Variants in PODXL observed in about 807,000 individuals in gnomAD.
PODXL encodes podocalyxin like, also known as podocalyxin.
In PODXL, 20 loss-of-function variants were observed where a neutral mutation model predicts 48.9. The ratio of observed to expected loss-of-function variants is 0.41; its 90% CI spans 0.29 to 0.59. The LOEUF (loss-of-function observed/expected upper bound fraction) is 0.59, where lower values mean the gene tolerates loss of function less well. Among genes scored for constraint, PODXL ranks in the 20% least tolerant of loss-of-function variants. The pLI is 0.31. For missense variants in PODXL, 606 were observed against 675.1 expected (o/e 0.90, Z 1.13); for synonymous variants, 295 against 287.4 (o/e 1.03, Z -0.27).
chr7:131,538,634 C>T (rs1450147972), intron 1 of PODXL, among the ~76,000 whole-genome samples: 3 of 152,150 alleles, frequency 2.0e-5, no homozygotes, highest in East Asian at 1.9e-4. Context: ...ATTCAATCGA[C>T]GGTGCCACCC....
intron 1 of PODXL, among the ~76,000 whole-genome samples, chr7:131,552,546 A>G (rs1798684799): frequency 6.6e-6 from 1 of 151,830 alleles, no homozygotes; most frequent in Non-Finnish European, 1.5e-5. Flanking sequence ...CTCTTCCCCC[A>G]CCTTCTCTAG....
chr7:131,526,817 C>A (rs1798195199), intron 1 of PODXL, among the ~76,000 whole-genome samples: 1 of 143,026 alleles, frequency 7.0e-6, no homozygotes, highest in African/African-American at 2.7e-5. Flanking sequence ...CTCACTATAG[C>A]CTCCGCCTCC....
chr7:131,539,651 A>G (rs1733874), intron 1 of PODXL, among the ~76,000 whole-genome samples: 67,710 of 152,116 alleles, frequency 0.45, 16,538 homozygotes, highest in East Asian at 0.78. Flanking sequence ...GAAAATGTTT[A>G]AATATTCCAA....
intron 1 of PODXL, among the ~76,000 whole-genome samples, chr7:131,514,474 T>C (rs1263629439): frequency 6.6e-6 from 1 of 152,110 alleles, no homozygotes; most frequent in Admixed American, 6.6e-5. Context: ...GCATTTTTTC[T>C]TCTTAGTAGT....
At chr7:131,554,218 G>A (rs534262680) in intron 1 of PODXL, among the ~76,000 whole-genome samples, 1 of 152,264 alleles carries the variant, frequency 6.6e-6, no homozygotes, top group Admixed American at 6.5e-5. Flanking sequence ...AGAGGGTGGT[G>A]TAGAATGCAC....
intron 1 of PODXL, among the ~76,000 whole-genome samples, chr7:131,538,098 G>A (rs1047111637): frequency 1.3e-5 from 2 of 152,126 alleles, no homozygotes; most frequent in African/African-American, 4.8e-5. Flanking sequence ...GCTGCACAGG[G>A]CCCACTGTGG....
At chr7:131,534,985 G>C (rs1367767185) in intron 1 of PODXL, among the ~76,000 whole-genome samples, 2 of 152,208 alleles carry the variant, frequency 1.3e-5, no homozygotes, top group Non-Finnish European at 2.9e-5. Context: ...CTGGGAGGCA[G>C]AGGTTGCAGT....
chr7:131,510,917 T>C lies in PODXL; in HGVS notation c.617A>G (p.His206Arg), dbSNP rs1797901159. The C allele has an allele frequency of 1.9e-6, 3 of 1,614,074 alleles. No homozygotes were observed. The South Asian group carries it at 3.3e-5, about 18-fold the overall frequency. Residue 206 changes from histidine (H) to arginine (R), a missense_variant, in exon 2 of 9, where the codon CAT becomes CGT. Physicochemically the swap from His to Arg is conservative, Grantham distance 29. Transcript: ENST00000378555. ...GCTTGAAATTTTCATAAGATGGTCA[T>C]GTCCCGAGCTTGTTGGGGTGGCCAC... is the stretch of plus-strand genomic sequence containing the variant. Reference protein sequence around the residue: ...HPVATPTSSGHDHLMKISSSS... With the variant: ...HPVATPTSSGRDHLMKISSSS...
At chr7:131,531,240 T>C (rs995948647) in intron 1 of PODXL, among the ~76,000 whole-genome samples, 1 of 152,170 alleles carries the variant, frequency 6.6e-6, no homozygotes, top group Non-Finnish European at 1.5e-5. Context: ...TCTGGAATCT[T>C]ATTAATGCTA....
intron 1 of PODXL, among the ~76,000 whole-genome samples, 179 bp from the exon 2 acceptor site, chr7:131,511,612 CTTTT>C (rs1163673176): frequency 6.7e-6 from 1 of 150,052 alleles, no homozygotes; most frequent in Non-Finnish European, 1.5e-5. Flanking sequence ...TTTTTTCTGT[CTTTT>C]TTTTTTCTTC....
Position 131,511,041 on chromosome 7 carries a change from T to G in PODXL, c.493A>C (p.Ser165Arg). ...GTGGATGTGAGGTCTGTGGTCACAC[T>G]GTGGCTGCTTTTCCCCCCAGAGTTT... The part of the protein sequence containing the change: ...TTNSGGKSSH[S>R]VTTDLTSTKA... The change falls in exon 2 of 9, where the codon AGT becomes CGT. Residue 165 changes from serine to arginine, a missense_variant. Transcript: ENST00000378555. 2.5e-6 allele frequency: 4 copies of G among 1,614,206 alleles called. No individual in the cohort carries two copies. Among genetic ancestry groups the G allele is most frequent in the Non-Finnish European group, 3.4e-6 (4 of 1,180,030 alleles).
chr7:131,556,277 G>A lies in PODXL; in HGVS notation c.83C>T (p.Pro28Leu). ...PLLPSSPSPS[P>L]SPSQNATQTT... Reference sequence around the variant, plus strand: ...CCACTCACCATTCTGGGAGGGCGACGGCGACGGCGACGGCGACGACGGCAG... The same window carrying A: ...CCACTCACCATTCTGGGAGGGCGACAGCGACGGCGACGGCGACGACGGCAG... Residue 28 changes from proline to leucine, a missense_variant, in exon 1 of 9, where the codon CCG becomes CTG. Coordinates refer to ENST00000378555, the MANE Select transcript of PODXL (RefSeq NM_001018111.3). 1 of 1,384,714 alleles carries A rather than the reference G, an allele frequency of 7.2e-7. No homozygotes were observed. Among genetic ancestry groups the A allele is most frequent in the Non-Finnish European group, 9.2e-7 (1 of 1,083,572 alleles). The allele number at this position is 1,384,714 out of a possible 1,614,324, so 85.8% of individuals were successfully genotyped here. A position where few individuals can be genotyped will look rare whatever the true frequency, so the allele number is the denominator to read the frequency against.
At chr7:131,509,304 C>T (rs781407640) in intron 4 of PODXL, 61 bp downstream of exon 4, 39 of 1,345,054 alleles carry the variant, frequency 2.9e-5, no homozygotes, top group Non-Finnish European at 4.1e-5. Context: ...AAAACCTTGT[C>T]TTAAAGCCTC....
Position 131,509,578 on chromosome 7 carries a change from C to A in PODXL, c.810G>T (p.Ser270=). Residue 270 remains serine (S), a synonymous_variant, in exon 4 of 9, where the codon TCG becomes TCT. Transcript: ENST00000378555. ...ASQSAGITAS[S]VISQRTQQTS... ...TCTGTTGAGTTCTTTGCGAGATAAC[C>A]GATGACGCTGTCATTGGGAAAACGA... is the stretch of plus-strand genomic sequence containing the variant. 2 of 1,540,010 alleles carry A rather than the reference C, an allele frequency of 1.3e-6. No homozygotes were observed. The highest frequency in any genetic ancestry group is 2.5e-5 in the South Asian group (2 of 79,702).
In PODXL at chr7:131,556,283, G is replaced by A. The variant is rs1299281906; in HGVS notation, c.77C>T (p.Pro26Leu). 3.4e-5 allele frequency: 50 copies of A among 1,477,570 alleles called. No individual in the cohort carries two copies. The highest frequency in any genetic ancestry group is 4.1e-5 in the Non-Finnish European group (46 of 1,121,758). 91.5% of individuals were successfully genotyped at this position (1,477,570 alleles called of 1,614,324 possible). ...TPPLLPSSPS[P>L]SPSPSQNATQ... is the part of the protein sequence containing the mutation. ...ACCATTCTGGGAGGGCGACGGCGAC[G>A]GCGACGGCGACGACGGCAGCAGCGG... is the stretch of plus-strand genomic sequence containing the variant. Residue 26 changes from proline (P) to leucine (L), a missense_variant, in exon 1 of 9, where the codon CCG becomes CTG. Physicochemically the swap from Pro to Leu is moderately conservative, Grantham distance 98. Coordinates refer to ENST00000378555, the MANE Select transcript of PODXL (RefSeq NM_001018111.3).
chr7:131,526,377 T>C (rs1410226096), intron 1 of PODXL, among the ~76,000 whole-genome samples: 1 of 152,112 alleles, frequency 6.6e-6, no homozygotes, highest in Non-Finnish European at 1.5e-5. Flanking sequence ...GAGTCTAATC[T>C]GATAAATAAA....
In PODXL at chr7:131,524,379, C is replaced by CACAGAGAGAGAGAGAGAGAGAGAGAG. The variant is rs746255906; in HGVS notation, c.101-12947_101-12946insCTCTCTCTCTCTCTCTCTCTCTCTGT. Among the ~76,000 whole-genome samples the CACAGAGAGAGAGAGAGAGAGAGAGAG allele has an allele frequency of 2.5e-3, 261 of 103,962 alleles. 3 individuals are homozygous for CACAGAGAGAGAGAGAGAGAGAGAGAG. Among genetic ancestry groups the CACAGAGAGAGAGAGAGAGAGAGAGAG allele is most frequent in the East Asian group, 7.4e-3 (27 of 3,660 alleles). 68.2% of individuals were successfully genotyped at this position (103,962 alleles called of 152,430 possible). A position where few individuals can be genotyped will look rare whatever the true frequency, so the allele number is the denominator to read the frequency against. On this transcript the variant is annotated intron_variant, in intron 1 of 8. Coordinates refer to ENST00000378555, the MANE Select transcript of PODXL (RefSeq NM_001018111.3). ...ACACACACGCACACACACACACACA[C>CACAGAGAGAGAGAGAGAGAGAGAGAG]AGAGAGAGAGAGAGAGAGAGAGAGA... is the stretch of plus-strand genomic sequence containing the variant.
At chr7:131,508,210 C>T (rs2116783851) in intron 5 of PODXL, among the ~76,000 whole-genome samples, 1 of 152,306 alleles carries the variant, frequency 6.6e-6, no homozygotes, top group Middle Eastern at 3.4e-3. Flanking sequence ...TGTGCTCACA[C>T]GCACGCTCAC....
intron 1 of PODXL, among the ~76,000 whole-genome samples, chr7:131,526,366 C>T (rs577635057): frequency 3.3e-5 from 5 of 152,030 alleles, no homozygotes; most frequent in Non-Finnish European, 5.9e-5. Context: ...TAAATATCCA[C>T]GAGTCTAATC....
Sources: allele counts gnomAD v4.1 joint callset (sites outside exome capture counted in the v4.1 genomes callset), GRCh38; gene constraint gnomAD v4.1.1; transcripts MANE v1.5; gene names NCBI Gene and HGNC (gene_info 2026-07-23, HGNC 2026-07-21).